The following TMEM178B variants were observed in gnomAD, a reference collection of about 807,000 sequenced individuals.
TMEM178B encodes the protein transmembrane protein 178B.
A neutral mutation model predicts 31.0 loss-of-function variants in TMEM178B; 5 were observed. The ratio of observed to expected loss-of-function variants is 0.16; its 90% CI spans 0.08 to 0.34. The LOEUF is 0.34. Ranked by LOEUF, TMEM178B falls within the 10% of genes least tolerant of loss-of-function variation. TMEM178B has a pLI of 1.00. For synonymous variants in TMEM178B, 164 were observed against 164.0 expected, an observed-to-expected ratio of 1.00 and a Z score of 0.00; for missense variants, 275 against 400.3, an observed-to-expected ratio of 0.69 and a Z score of 2.67.
chr7:141,413,251 A>C lies in TMEM178B; in HGVS notation c.497-24357A>C, dbSNP rs116955292. Among the ~76,000 whole-genome samples the C allele has an allele frequency of 8.2e-3, 1,253 of 152,300 alleles. 8 individuals carry two copies. The highest frequency in any genetic ancestry group is 0.012 in the Non-Finnish European group (826 of 68,030). ...TTTCCTTTTTCTATTTTTCTATAGA[A>C]AACTGATTCCAAATCACAACTTTTT... is the stretch of plus-strand genomic sequence containing the variant. On this transcript the variant is annotated intron_variant, in intron 2 of 3. Transcript: ENST00000565468.
chr7:141,176,695 A>C (rs1346275984), intron 1 of TMEM178B, among the ~76,000 whole-genome samples: 1 of 152,166 alleles, frequency 6.6e-6, no homozygotes, highest in Non-Finnish European at 1.5e-5. Flanking sequence ...GGGAGGCTGT[A>C]TGTGTCCAGG....
intron 1 of TMEM178B, among the ~76,000 whole-genome samples, chr7:141,168,254 G>T (rs148008815): frequency 6.6e-6 from 1 of 152,040 alleles, no homozygotes; most frequent in Non-Finnish European, 1.5e-5. Context: ...TGGTTGGCTC[G>T]TGGCTTCAAG....
intron 2 of TMEM178B, among the ~76,000 whole-genome samples, chr7:141,411,832 C>G (rs1301965696): frequency 6.6e-6 from 1 of 152,180 alleles, no homozygotes; most frequent in Non-Finnish European, 1.5e-5. Flanking sequence ...AATCCAGCAT[C>G]TTTTGATTCT....
At chr7:141,112,033 A>T (rs1358112035) in intron 1 of TMEM178B, among the ~76,000 whole-genome samples, 1 of 151,980 alleles carries the variant, frequency 6.6e-6, no homozygotes, top group Non-Finnish European at 1.5e-5. Flanking sequence ...GTCAATAATT[A>T]TTTTTCCTGC....
intron 1 of TMEM178B, among the ~76,000 whole-genome samples, chr7:141,147,941 G>A (rs769493529): frequency 5.9e-5 from 9 of 152,214 alleles, no homozygotes; most frequent in Non-Finnish European, 1.2e-4. Flanking sequence ...AGAGAACAGC[G>A]TTAGGTTTCT....
chr7:141,211,715 G>A (rs1797055942), intron 1 of TMEM178B, among the ~76,000 whole-genome samples: 1 of 152,186 alleles, frequency 6.6e-6, no homozygotes, highest in Admixed American at 6.5e-5. Context: ...AACATAAAGG[G>A]TGGATTTATG....
At chr7:141,443,206 A>G (rs1051330311) in intron 3 of TMEM178B, among the ~76,000 whole-genome samples, 1 of 152,234 alleles carries the variant, frequency 6.6e-6, no homozygotes, top group Non-Finnish European at 1.5e-5. Flanking sequence ...CTGCCACTGT[A>G]TCCAGTTCCC....
chr7:141,343,067 C>T (rs750690762), intron 2 of TMEM178B, among the ~76,000 whole-genome samples: 5 of 152,270 alleles, frequency 3.3e-5, no homozygotes, highest in East Asian at 3.9e-4. Context: ...TCACTAGGCC[C>T]GGGCTGAGGC....
the TMEM178B span, among the ~76,000 whole-genome samples, chr7:141,488,463 C>CA: frequency 6.6e-6 from 1 of 151,280 alleles, no homozygotes; most frequent in Non-Finnish European, 1.5e-5. Context: ...TTTTTTGAGA[C>CA]AGAGTCTCGC....
At chr7:141,309,407 G>A (rs151003975) in intron 2 of TMEM178B, among the ~76,000 whole-genome samples, 2 of 152,266 alleles carry the variant, frequency 1.3e-5, no homozygotes, top group East Asian at 3.9e-4. Context: ...CATGTTCATT[G>A]TAGACATTTG....
chr7:141,470,670 G>T lies in TMEM178B; in HGVS notation c.769G>T (p.Gly257Trp). 1 of 1,535,750 alleles carries T rather than the reference G, an allele frequency of 6.5e-7. No homozygotes were observed. Among genetic ancestry groups the T allele is most frequent in the Non-Finnish European group, 8.7e-7 (1 of 1,146,824 alleles). The change falls in exon 4 of 4, where the codon GGG becomes TGG. Residue 257 changes from glycine to tryptophan, a missense_variant. Transcript: ENST00000565468. ...GYGWSMFCAW[G>W]GLGLTLISGF... ...TGGCTGGTCCATGTTCTGTGCATGG[G>T]GGGGCCTGGGCCTCACACTCATCTC...
At chr7:141,307,450 G>A (rs917599456) in intron 2 of TMEM178B, among the ~76,000 whole-genome samples, 3 of 152,168 alleles carry the variant, frequency 2.0e-5, no homozygotes, top group Non-Finnish European at 4.4e-5. Context: ...TCACTTGCTG[G>A]GTCCCCTACA....
chr7:141,373,515 C>T (rs1034749248), intron 2 of TMEM178B, among the ~76,000 whole-genome samples: 1 of 152,214 alleles, frequency 6.6e-6, no homozygotes, highest in Non-Finnish European at 1.5e-5. Context: ...CAGGACTGCT[C>T]AGAGTGGGAG....
intron 3 of TMEM178B, among the ~76,000 whole-genome samples, chr7:141,449,355 G>A (rs1386115577): frequency 6.6e-6 from 1 of 152,078 alleles, no homozygotes; most frequent in African/African-American, 2.4e-5. Flanking sequence ...GAGGATGGGG[G>A]CATTGATTGC....
chr7:141,476,090 C>T lies in TMEM178B; in HGVS notation c.*5304C>T, dbSNP rs936512177. On this transcript the variant is annotated 3_prime_UTR_variant, in exon 4 of 4. Coordinates refer to ENST00000565468, the MANE Select transcript of TMEM178B (RefSeq NM_001195278.2). Reference sequence around the variant, plus strand: ...AGTTATGTATGTTCTAATTATCCCTCAGAAGACCCCCCGCTGGAATGGAAT... The same window carrying T: ...AGTTATGTATGTTCTAATTATCCCTTAGAAGACCCCCCGCTGGAATGGAAT... The T allele has an allele frequency of 4.6e-5, 7 of 152,208 alleles. 1 individual carries two copies. Among genetic ancestry groups the T allele is most frequent in the Non-Finnish European group, 1.0e-4 (7 of 68,042 alleles). 9.4% of individuals were successfully genotyped at this position (152,208 alleles called of 1,614,324 possible).
At chr7:141,481,664 T>C (rs368677582), downstream of TMEM178B, among the ~76,000 whole-genome samples, 20 of 152,104 alleles carry the variant, frequency 1.3e-4, no homozygotes, top group African/African-American at 4.3e-4. Flanking sequence ...ATTTAAAAAG[T>C]AAGTGCAGGT....
rs137948046 is a variant in TMEM178B, at chr7:141,189,433, A to C, written c.383-23158A>C. Among the ~76,000 whole-genome samples, 879 of 152,320 alleles carry C rather than the reference A, an allele frequency of 5.8e-3. 13 individuals carry two copies. Among genetic ancestry groups the C allele is most frequent in the African/African-American group, 0.02 (846 of 41,572 alleles). ...AGATGGGCAGAGCAGCAGGAATGTAAGGGCAGCTTGTAGACTATTGGGTCA... is the reference window on the plus strand; with the variant it reads ...AGATGGGCAGAGCAGCAGGAATGTACGGGCAGCTTGTAGACTATTGGGTCA... On this transcript the variant is annotated intron_variant, in intron 1 of 3. Transcript: ENST00000565468.
chr7:141,153,380 G>A (rs1796011404), intron 1 of TMEM178B, among the ~76,000 whole-genome samples: 1 of 152,092 alleles, frequency 6.6e-6, no homozygotes, highest in Non-Finnish European at 1.5e-5. Context: ...CCTTTTGTTG[G>A]AACTTTAGTT....
intron 2 of TMEM178B, among the ~76,000 whole-genome samples, chr7:141,341,548 C>G (rs1479488588): frequency 1.3e-5 from 2 of 152,152 alleles, no homozygotes; most frequent in African/African-American, 2.4e-5. Flanking sequence ...TTCAGCTCCC[C>G]CTGAGGAAGA....
Sources: allele counts gnomAD v4.1 joint callset (sites outside exome capture counted in the v4.1 genomes callset), GRCh38; gene constraint gnomAD v4.1.1; transcripts MANE v1.5; gene names NCBI Gene and HGNC (gene_info 2026-07-23, HGNC 2026-07-21).